The following DHX36 variants were observed in gnomAD, a reference collection of about 807,000 sequenced individuals.
The protein encoded by DHX36 is ATP-dependent DNA/RNA helicase DHX36.
In DHX36, 50 loss-of-function variants were observed where a neutral mutation model predicts 139.0. The ratio of observed to expected loss-of-function variants is 0.36; its 90% CI spans 0.29 to 0.46. The LOEUF is 0.46. Among genes scored for constraint, DHX36 ranks in the 20% least tolerant of loss-of-function variants. The pLI, the probability that DHX36 is intolerant of heterozygous loss-of-function variation, is 1.00. For synonymous variants in DHX36, 425 were observed against 401.9 expected (o/e 1.06, Z -0.69); for missense variants, 1,024 against 1,211.3 (o/e 0.85, Z 2.29).
chr3:154,316,736 T>C lies in DHX36; in HGVS notation c.244-573A>G, dbSNP rs1401632864. Among the ~76,000 whole-genome samples the C allele has an allele frequency of 2.0e-5, 3 of 150,228 alleles. No individual in the cohort carries two copies. The East Asian group carries it at 5.9e-4, about 29-fold the overall frequency. On this transcript the variant is annotated intron_variant, in intron 1 of 24. Coordinates refer to ENST00000496811, the MANE Select transcript of DHX36 (RefSeq NM_020865.3). Reference sequence around the variant, plus strand: ...AATAAAACACAACAGACTGGACAAATATAAAGGTCCTTGGTGAACTATGAA... The same window carrying C: ...AATAAAACACAACAGACTGGACAAACATAAAGGTCCTTGGTGAACTATGAA...
At chr3:154,305,622 C>G (rs1450883563) in intron 6 of DHX36, among the ~76,000 whole-genome samples, 1 of 152,078 alleles carries the variant, frequency 6.6e-6, no homozygotes, top group African/African-American at 2.4e-5. Flanking sequence ...AAAAAATTAG[C>G]CAGTTGTGGT....
Sources: gnomAD v4.1 joint callset for allele counts (sites outside exome capture counted in the v4.1 genomes callset) on GRCh38, gnomAD v4.1.1 for gene constraint, MANE v1.5 for transcripts, NCBI Gene and HGNC (gene_info 2026-07-23, HGNC 2026-07-21) for gene names.